Variants in PCDHGB3 observed in about 807,000 individuals in gnomAD.
The protein encoded by PCDHGB3 is protocadherin gamma subfamily B, 3.
Under a neutral mutation model 59.2 loss-of-function variants are expected in PCDHGB3, and 40 were observed. The ratio of observed to expected loss-of-function variants is 0.68; its 90% CI spans 0.52 to 0.88. The LOEUF (loss-of-function observed/expected upper bound fraction) is 0.88, where lower values mean the gene tolerates loss of function less well. Ranked by LOEUF, PCDHGB3 falls within the 40% of genes least tolerant of loss-of-function variation. The pLI is 0.00. For synonymous variants in PCDHGB3, 581 were observed against 503.6 expected, an observed-to-expected ratio of 1.15 and a Z score of -2.06; for missense variants, 1,309 against 1,187.9, an observed-to-expected ratio of 1.10 and a Z score of -1.50.
At chr5:141,403,118 C>A (rs780657795) in intron 1 of PCDHGB3, 2 of 1,614,058 alleles carry the variant, frequency 1.2e-6, no homozygotes. Context: ...GGCTCTGGAG[C>A]CCCGGGAGCT....
chr5:141,479,035 C>A (rs2099486361), intron 1 of PCDHGB3, among the ~76,000 whole-genome samples: 1 of 152,104 alleles, frequency 6.6e-6, no homozygotes, highest in Non-Finnish European at 1.5e-5. Context: ...TTATACAGAT[C>A]GTGTACCTCA....
intron 2 of PCDHGB3, among the ~76,000 whole-genome samples, chr5:141,504,859 C>T (rs1396681670): frequency 6.6e-6 from 1 of 152,090 alleles, no homozygotes; most frequent in African/African-American, 2.4e-5. Context: ...TCTTCCATTT[C>T]CCACCTTCAC....
chr5:141,450,828 TA>T lies in PCDHGB3; in HGVS notation c.2416-43978del, dbSNP rs1427656987. Among the ~76,000 whole-genome samples the T allele has an allele frequency of 7.8e-4, 110 of 141,058 alleles. 1 individual carries two copies. The highest frequency in any genetic ancestry group is 1.8e-3 in the African/African-American group (65 of 36,868). The allele number at this position is 141,058 out of a possible 152,430, so 92.5% of individuals were successfully genotyped here. A position where few individuals can be genotyped will look rare whatever the true frequency, so the allele number is the denominator to read the frequency against. ...TTTATTTATTTAATATTATTATTAT[TA>T]TTTTTTTTTTTTTGAGATGGGGTCT... On this transcript the variant is annotated intron_variant, in intron 1 of 3. Transcript: ENST00000576222.
chr5:141,399,561 GT>G, intron 1 of PCDHGB3: 1 of 1,614,042 alleles, frequency 6.2e-7, no homozygotes, highest in Non-Finnish European at 8.5e-7. Context: ...TGGACTTGGG[GT>G]TGAACGGCCA....
chr5:141,371,501 C>G lies in PCDHGB3; in HGVS notation c.1107C>G (p.Ile369Met). Reference protein sequence around the residue: ...DAELGTAVALIKTHDLDSGFN... With the variant: ...DAELGTAVALMKTHDLDSGFN... Reference sequence around the variant, plus strand: ...AGCTGGGGACTGCCGTTGCCCTGATCAAAACACATGATCTAGATTCTGGAT... The same window carrying G: ...AGCTGGGGACTGCCGTTGCCCTGATGAAAACACATGATCTAGATTCTGGAT... Residue 369 changes from isoleucine to methionine, a missense_variant, in exon 1 of 4, where the codon ATC (isoleucine) becomes ATG (methionine). Ile to Met is a conservative substitution (Grantham distance 10, BLOSUM62 1). Coordinates refer to ENST00000576222, the MANE Select transcript of PCDHGB3 (RefSeq NM_018924.5). The G allele has an allele frequency of 6.2e-7, 1 of 1,613,882 alleles. No homozygotes were observed. The highest frequency in any genetic ancestry group is 1.1e-5 in the South Asian group (1 of 91,070).
At chr5:141,433,640 A>C (rs2097637476) in intron 1 of PCDHGB3, among the ~76,000 whole-genome samples, 2 of 152,138 alleles carry the variant, frequency 1.3e-5, no homozygotes, top group South Asian at 2.1e-4. Flanking sequence ...GTTTGAGACC[A>C]GCCTGACCAA....
At chr5:141,421,444 A>T in intron 1 of PCDHGB3, 1 of 1,614,020 alleles carries the variant, frequency 6.2e-7, no homozygotes, top group Non-Finnish European at 8.5e-7. Flanking sequence ...CAGAGGGAAG[A>T]CACAGCTTTT....
rs766151180 is a variant in PCDHGB3 at position 141,432,210 on chromosome 5, A to G, written c.2415+59401A>G. On this transcript the variant is annotated intron_variant, in intron 1 of 3. Transcript: ENST00000576222. This position sits in a 1 kb window ranked among gnomAD's most constrained non-coding sequence, Gnocchi z 6.0. Reference sequence around the variant, plus strand: ...GCCCACGACCCCGACTGTGAAGAGAACGCCCAGATCACTTATTCCCTGGCT... The same window carrying G: ...GCCCACGACCCCGACTGTGAAGAGAGCGCCCAGATCACTTATTCCCTGGCT... 1 of 1,614,138 alleles carries G rather than the reference A, an allele frequency of 6.2e-7. No individual in the cohort carries two copies. Among genetic ancestry groups the G allele is most frequent in the Non-Finnish European group, 8.5e-7 (1 of 1,180,018 alleles).
intron 1 of PCDHGB3, chr5:141,376,282 G>A: frequency 6.2e-7 from 1 of 1,614,214 alleles, no homozygotes; most frequent in Non-Finnish European, 8.5e-7. Context: ...GTGGCTTAGC[G>A]AGCATGCCCG....
chr5:141,512,656 C>G lies in PCDHGB3; in HGVS notation c.*1483C>G, dbSNP rs1262748947. ...CCCTTACAGTAGTGTAGCGCCCCCT[C>G]CCTCTTTCGGCTGGTGTAGAATAGC... On this transcript the variant is annotated 3_prime_UTR_variant, in exon 4 of 4. Coordinates refer to ENST00000576222, the MANE Select transcript of PCDHGB3 (RefSeq NM_018924.5). 1 of 152,508 alleles carries G rather than the reference C, an allele frequency of 6.6e-6. No homozygotes were observed. The highest frequency in any genetic ancestry group is 1.5e-5 in the Non-Finnish European group (1 of 68,228). The allele number at this position is 152,508 out of a possible 1,614,324, so 9.4% of individuals were successfully genotyped here.
At chr5:141,494,161 T>G (rs1420295862) in intron 1 of PCDHGB3, among the ~76,000 whole-genome samples, 3 of 152,052 alleles carry the variant, frequency 2.0e-5, no homozygotes, top group African/African-American at 7.3e-5. Flanking sequence ...TGGCACGGAG[T>G]TCTAGGGGTG....
intron 1 of PCDHGB3, chr5:141,419,343 A>G: frequency 6.2e-7 from 1 of 1,613,806 alleles, no homozygotes; most frequent in East Asian, 2.2e-5. Flanking sequence ...ATTGCCAGCG[A>G]CCTGGAGTCA....
chr5:141,463,574 G>A (rs942457606), intron 1 of PCDHGB3, among the ~76,000 whole-genome samples: 1 of 146,978 alleles, frequency 6.8e-6, no homozygotes, highest in Non-Finnish European at 1.5e-5. Flanking sequence ...TCAGCCTCCC[G>A]AGTAGCTGGG....
At chr5:141,409,059 A>G (rs2095217608) in intron 1 of PCDHGB3, 2 of 1,614,050 alleles carry the variant, frequency 1.2e-6, no homozygotes, top group Non-Finnish European at 1.7e-6. Context: ...AGCACTGCCC[A>G]GAGCACAAAA....
chr5:141,391,895 A>C (rs1315243362), intron 1 of PCDHGB3: 1 of 152,202 alleles, frequency 6.6e-6, no homozygotes, highest in Non-Finnish European at 1.5e-5. Context: ...GATGGGATGG[A>C]GCTTTGCTTT....
intron 1 of PCDHGB3, among the ~76,000 whole-genome samples, chr5:141,474,000 C>T (rs2099336161): frequency 6.6e-6 from 1 of 152,076 alleles, no homozygotes. Context: ...GCCCAAGGAG[C>T]TGGAAGTTAC....
chr5:141,478,145 T>C (rs1252008984), intron 1 of PCDHGB3: 1 of 1,614,026 alleles, frequency 6.2e-7, no homozygotes. Context: ...CCGAGCCGAG[T>C]TCCCCTCTGG....
intron 1 of PCDHGB3, chr5:141,382,898 C>T (rs938652730): frequency 6.5e-7 from 1 of 1,541,064 alleles, no homozygotes. Context: ...AGCAGGACGA[C>T]TATGGCGGCT....
rs1317111249 is a variant in PCDHGB3, at chr5:141,413,333, C to A, written c.2415+40524C>A. 3.1e-6 allele frequency: 5 copies of A among 1,613,966 alleles called. No individual in the cohort carries two copies. The Admixed American group carries it at 6.7e-5, about 22-fold the overall frequency. On this transcript the variant is annotated intron_variant, in intron 1 of 3. Coordinates refer to ENST00000576222, the MANE Select transcript of PCDHGB3 (RefSeq NM_018924.5). ...AAAGGCTCTTTCGTGGGCAACATCTCCAAGGACTTGGGTCTGGCGCCCCGG... is the reference window on the plus strand; with the variant it reads ...AAAGGCTCTTTCGTGGGCAACATCTACAAGGACTTGGGTCTGGCGCCCCGG...
Sources: allele counts gnomAD v4.1 joint callset (sites outside exome capture counted in the v4.1 genomes callset), GRCh38; gene constraint gnomAD v4.1.1; non-coding constraint Gnocchi (gnomAD v3.1); transcripts MANE v1.5; gene names NCBI Gene and HGNC (gene_info 2026-07-23, HGNC 2026-07-21).